ROBO2: variants seen among roughly 807,000 people sequenced by gnomAD.
The protein encoded by ROBO2 is roundabout homolog 2.
In ROBO2, 53 loss-of-function variants were observed where a neutral mutation model predicts 160.8. The ratio of observed to expected loss-of-function variants is 0.33; its 90% CI spans 0.26 to 0.41. ROBO2 has a LOEUF of 0.41. Among genes scored for constraint, ROBO2 ranks in the 10% least tolerant of loss-of-function variants. The pLI is 1.00. For missense variants in ROBO2, 1,577 were observed against 1,722.4 expected, an observed-to-expected ratio of 0.92 and a Z score of 1.49; for synonymous variants, 664 against 611.7, an observed-to-expected ratio of 1.09 and a Z score of -1.26.
chr3:77,324,703 A>G (rs1157163516), intron 2 of ROBO2, among the ~76,000 whole-genome samples: 1 of 150,294 alleles, frequency 6.7e-6, no homozygotes, highest in East Asian at 2.0e-4. Flanking sequence ...AATGGCGTGA[A>G]CCTGGGAGGC....
chr3:76,562,425 A>G (rs1338301474), intron 2 of ROBO2, among the ~76,000 whole-genome samples: 2 of 137,164 alleles, frequency 1.5e-5, no homozygotes, highest in East Asian at 2.2e-4. Context: ...TGATACATGC[A>G]TCTTATAAGA....
chr3:75,920,170 C>T (rs998833747), intron 1 of ROBO2, among the ~76,000 whole-genome samples: 1 of 152,206 alleles, frequency 6.6e-6, no homozygotes, highest in African/African-American at 2.4e-5. Context: ...GCATTTAATG[C>T]TATAAATTTC....
chr3:76,443,172 G>C (rs758236817), intron 2 of ROBO2, among the ~76,000 whole-genome samples: 1 of 151,874 alleles, frequency 6.6e-6, no homozygotes, highest in Non-Finnish European at 1.5e-5. Context: ...GTTCTCACAG[G>C]AACTAATCAA....
At chr3:77,291,780 T>A (rs189868681) in intron 2 of ROBO2, among the ~76,000 whole-genome samples, 183 of 145,706 alleles carry the variant, frequency 1.3e-3, no homozygotes, top group Middle Eastern at 4.2e-3. Context: ...AAATTGAAGA[T>A]TAAACGGGAA....
chr3:75,976,640 A>G (rs891555731), intron 2 of ROBO2, among the ~76,000 whole-genome samples: 1 of 151,542 alleles, frequency 6.6e-6, no homozygotes, highest in African/African-American at 2.4e-5. Context: ...TTAAAAATCA[A>G]TTTTTCATTG....
chr3:76,108,229 A>G (rs2070038549), intron 2 of ROBO2, among the ~76,000 whole-genome samples: 1 of 151,994 alleles, frequency 6.6e-6, no homozygotes, highest in Admixed American at 6.6e-5. Context: ...TGACGTTGAA[A>G]TTTTTAGTGA....
chr3:76,705,212 C>T (rs1193044265), intron 2 of ROBO2, among the ~76,000 whole-genome samples: 5 of 152,132 alleles, frequency 3.3e-5, no homozygotes, highest in African/African-American at 1.2e-4. Context: ...GTGATAAATG[C>T]CTTATAATTC....
At chr3:76,740,673 T>C (rs2093787646) in intron 2 of ROBO2, among the ~76,000 whole-genome samples, 3 of 152,120 alleles carry the variant, frequency 2.0e-5, no homozygotes, top group African/African-American at 4.8e-5. Flanking sequence ...TTAACTTTTA[T>C]AGGAAAATCT....
chr3:77,352,140 T>G (rs1224299855), intron 2 of ROBO2, among the ~76,000 whole-genome samples: 2 of 151,628 alleles, frequency 1.3e-5, no homozygotes, highest in East Asian at 3.9e-4. Context: ...GTATCAGCAT[T>G]TTACTCTAGC....
chr3:77,542,886 A>T (rs1249294255), intron 6 of ROBO2, among the ~76,000 whole-genome samples: 1 of 152,192 alleles, frequency 6.6e-6, no homozygotes, highest in Non-Finnish European at 1.5e-5. Context: ...TCTTACAAAA[A>T]TGTCTTTGAA....
At chr3:77,230,117 T>C (rs186904875) in intron 2 of ROBO2, among the ~76,000 whole-genome samples, 41 of 152,046 alleles carry the variant, frequency 2.7e-4, no homozygotes, top group African/African-American at 9.6e-4. Flanking sequence ...TGAGACAGAA[T>C]CTCTCTGTCA....
rs1366195809 is a variant in ROBO2 at position 76,809,155 on chromosome 3, G to A, written c.110-288859G>A. Among the ~76,000 whole-genome samples the A allele has an allele frequency of 2.6e-5, 4 of 152,230 alleles. No homozygotes were observed. The South Asian group carries it at 8.3e-4, about 32-fold the overall frequency. On this transcript the variant is annotated intron_variant, in intron 2 of 26. Transcript: ENST00000487694. ...ATTTATCACTGGACAGTTTCTGTGG[G>A]TCAATAATCCAAGCAAGACTTAGCT...
chr3:77,527,502 A>G, intron 6 of ROBO2, 88 bp downstream of exon 7: 7 of 984,454 alleles, frequency 7.1e-6, no homozygotes, highest in South Asian at 1.5e-5. Context: ...AATGAAATAT[A>G]TTTATTTTAC....
At chr3:76,512,858 G>A (rs758954492) in intron 2 of ROBO2, among the ~76,000 whole-genome samples, 21 of 151,952 alleles carry the variant, frequency 1.4e-4, no homozygotes, top group Non-Finnish European at 2.8e-4. Context: ...AACCCGTTTG[G>A]TCCCAAGTAT....
chr3:77,514,955 T>G (rs542387460), intron 5 of ROBO2, among the ~76,000 whole-genome samples: 2 of 151,628 alleles, frequency 1.3e-5, no homozygotes, highest in African/African-American at 2.4e-5. Context: ...TCACAAGAGT[T>G]TTTTCCCCAA....
chr3:76,604,676 T>C (rs1324144840), intron 2 of ROBO2, among the ~76,000 whole-genome samples: 2 of 152,188 alleles, frequency 1.3e-5, no homozygotes. Context: ...GTTATTGTAG[T>C]TATGCTACTC....
intron 2 of ROBO2, among the ~76,000 whole-genome samples, chr3:77,101,349 A>G (rs1040530083): frequency 6.6e-6 from 1 of 152,200 alleles, no homozygotes; most frequent in African/African-American, 2.4e-5. Flanking sequence ...GCTACCATCC[A>G]TAGAGGTGAG....
chr3:76,474,703 A>G (rs963518682), intron 2 of ROBO2, among the ~76,000 whole-genome samples: 3 of 152,174 alleles, frequency 2.0e-5, no homozygotes, highest in Non-Finnish European at 4.4e-5. Context: ...TGTGCCCTGC[A>G]GCAATAAACC....
At chr3:77,067,028 TCACACACACA>T (rs144228628) in intron 1 of ROBO2, among the ~76,000 whole-genome samples, 48 of 136,936 alleles carry the variant, frequency 3.5e-4, no homozygotes, top group Middle Eastern at 3.9e-3. Context: ...ACACACACAC[TCACACACACA>T]CACACACACA....
Sources: gnomAD v4.1 joint callset for allele counts (sites outside exome capture counted in the v4.1 genomes callset) on GRCh38, gnomAD v4.1.1 for gene constraint, MANE v1.5 for transcripts, NCBI Gene and HGNC (gene_info 2026-07-23, HGNC 2026-07-21) for gene names.